LASP1: variants seen among roughly 807,000 people sequenced by gnomAD.
LASP1 encodes LIM and SH3 domain protein 1.
LASP1 carries 10 observed loss-of-function variants against 38.6 expected under a neutral mutation model. The observed-to-expected ratio is 0.26, with a 90% confidence interval of 0.16 to 0.44. The LOEUF (loss-of-function observed/expected upper bound fraction) is 0.44. LASP1 is among the 20% of genes least tolerant of loss of function. LASP1 has a pLI of 1.00. For synonymous variants in LASP1, 132 were observed against 140.8 expected (o/e 0.94, Z 0.44); for missense variants, 243 against 375.7 (o/e 0.65, Z 2.92).
chr17:38,895,521 T>C (rs968799820), intron 3 of LASP1, among the ~76,000 whole-genome samples: 2 of 151,882 alleles, frequency 1.3e-5, no homozygotes, highest in Non-Finnish European at 2.9e-5. Context: ...GGTTTCAGCA[T>C]GTTAGGCTGG....
chr17:38,917,284 CT>C (rs1915159515), intron 6 of LASP1, among the ~76,000 whole-genome samples: 1 of 152,168 alleles, frequency 6.6e-6, no homozygotes, highest in African/African-American at 2.4e-5. Flanking sequence ...GGTGTGACTT[CT>C]TATCCCATAG....
At chr17:38,887,590 G>C (rs1001919110) in intron 2 of LASP1, among the ~76,000 whole-genome samples, 5 of 152,192 alleles carry the variant, frequency 3.3e-5, no homozygotes, top group Admixed American at 6.5e-5. Context: ...CTCTGCTGGA[G>C]GAACTGCGAG....
Position 38,900,400 on chromosome 17 carries a change from C to T in LASP1, c.357+1881C>T, listed in dbSNP as rs1210552991. Among the ~76,000 whole-genome samples the T allele has an allele frequency of 1.1e-4, 9 of 78,732 alleles. 1 individual carries two copies. The highest frequency in any genetic ancestry group is 1.0e-3 in the East Asian group (4 of 3,924). 51.7% of individuals were successfully genotyped at this position (78,732 alleles called of 152,430 possible). A position where few individuals can be genotyped will look rare whatever the true frequency, so the allele number is the denominator to read the frequency against. ...GTTTCCAAAAAAAAAAAGGACCAGG[C>T]GCGGTGGCTCATGCCTGTAATCCCA... On this transcript the variant is annotated intron_variant, in intron 4 of 6. Coordinates refer to ENST00000318008, the MANE Select transcript of LASP1 (RefSeq NM_006148.4).
intron 2 of LASP1, among the ~76,000 whole-genome samples, chr17:38,881,781 T>C (rs1372847934): frequency 6.6e-6 from 1 of 152,212 alleles, no homozygotes; most frequent in Non-Finnish European, 1.5e-5. Context: ...CAGGGAGGCC[T>C]CTATGTTCTG....
intron 4 of LASP1, chr17:38,899,181 A>G: frequency 4.8e-6 from 1 of 209,968 alleles, no homozygotes; most frequent in Admixed American, 5.2e-5. Flanking sequence ...GCCACAGGCA[A>G]GCAGCCTGTG....
chr17:38,907,580 T>C (rs1310581820), intron 4 of LASP1, among the ~76,000 whole-genome samples: 1 of 152,148 alleles, frequency 6.6e-6, no homozygotes, highest in African/African-American at 2.4e-5. Context: ...GTCCGGCCCA[T>C]TTTTTAGGGC....
intron 4 of LASP1, among the ~76,000 whole-genome samples, chr17:38,908,760 T>G (rs978551253): frequency 6.6e-6 from 1 of 152,236 alleles, no homozygotes; most frequent in Non-Finnish European, 1.5e-5. Context: ...AACTATTGGC[T>G]GTTCAGCCAG....
intron 4 of LASP1, among the ~76,000 whole-genome samples, chr17:38,909,906 C>G (rs989258618): frequency 2.8e-4 from 42 of 152,114 alleles, no homozygotes; most frequent in Non-Finnish European, 1.6e-4. Context: ...CACCACCATG[C>G]CTGATTAAGT....
intron 2 of LASP1, among the ~76,000 whole-genome samples, chr17:38,878,923 G>T (rs1258175654): frequency 6.6e-6 from 1 of 152,026 alleles, no homozygotes; most frequent in Non-Finnish European, 1.5e-5. Flanking sequence ...GGAGTATAGA[G>T]GTGGGGTCCC....
intron 2 of LASP1, among the ~76,000 whole-genome samples, chr17:38,888,623 T>G (rs1914215262): frequency 2.0e-5 from 3 of 152,228 alleles, no homozygotes; most frequent in African/African-American, 7.2e-5. Flanking sequence ...TCGCCTACTA[T>G]TCTAGGAACT....
intron 3 of LASP1, 124 bp downstream of exon 3, chr17:38,890,628 C>G (rs1749106478): frequency 1.2e-6 from 1 of 821,044 alleles, no homozygotes; most frequent in Middle Eastern, 2.5e-4. Context: ...TGCTGAAATC[C>G]TAGCATTGCC....
In LASP1 at chr17:38,921,685, CT is replaced by C. The variant is rs1304788293; in HGVS notation, c.*2908del. 8.7e-6 allele frequency: 2 copies of C among 231,078 alleles called. No homozygotes were observed. Among genetic ancestry groups the C allele is most frequent in the Non-Finnish European group, 1.7e-5 (2 of 116,782 alleles). 14.3% of individuals were successfully genotyped at this position (231,078 alleles called of 1,614,324 possible). A position where few individuals can be genotyped will look rare whatever the true frequency, so the allele number is the denominator to read the frequency against. ...GTGCTCGGGATCAAACCTTTCTGGCCTGTTATGATTCTGAACATTTGACTTG... is the reference window on the plus strand; with the variant it reads ...GTGCTCGGGATCAAACCTTTCTGGCCGTTATGATTCTGAACATTTGACTTG... On this transcript the variant is annotated 3_prime_UTR_variant, in exon 7 of 7. Coordinates refer to ENST00000318008, the MANE Select transcript of LASP1 (RefSeq NM_006148.4).
chr17:38,892,833 T>C (rs979849986), intron 3 of LASP1, among the ~76,000 whole-genome samples: 16 of 152,224 alleles, frequency 1.1e-4, no homozygotes, highest in African/African-American at 3.9e-4. Flanking sequence ...CTCCTGTCCC[T>C]GGCCTGTGCC....
At chr17:38,893,270 T>C (rs1914394911) in intron 3 of LASP1, among the ~76,000 whole-genome samples, 1 of 152,186 alleles carries the variant, frequency 6.6e-6, no homozygotes, top group Non-Finnish European at 1.5e-5. Flanking sequence ...GATGCACCAG[T>C]CAGCAGCAAG....
chr17:38,893,188 C>T (rs2143775673), intron 3 of LASP1, among the ~76,000 whole-genome samples: 1 of 152,342 alleles, frequency 6.6e-6, no homozygotes, highest in South Asian at 2.1e-4. Context: ...GTCCCATGAC[C>T]TGGCCCTGGA....
Position 38,914,393 on chromosome 17 carries a change from G to A in LASP1, c.426G>A (p.Glu142=), listed in dbSNP as rs143838983. 9,383 of 1,612,178 alleles carry A rather than the reference G, an allele frequency of 5.8e-3. 348 individuals carry two copies. In the East Asian group the frequency reaches 0.077, roughly 13 times the overall value. ...GCGGGGGCGAGGGCATGGAGCCAGA[G>A]CGTCGGGATTCACAGGACGGCAGCA... ...GPSGGEGMEP[E]RRDSQDGSSY... Residue 142 remains glutamate (E), a synonymous_variant, in exon 5 of 7, where the codon GAG becomes GAA. Coordinates refer to ENST00000318008, the MANE Select transcript of LASP1 (RefSeq NM_006148.4).
At chr17:38,884,028 T>C (rs1283907015) in intron 2 of LASP1, among the ~76,000 whole-genome samples, 1 of 151,750 alleles carries the variant, frequency 6.6e-6, no homozygotes, top group Non-Finnish European at 1.5e-5. Context: ...GGCTGTTTTT[T>C]TTTTTTCCTT....
At chr17:38,898,787 A>C in intron 4 of LASP1, 1 of 539,018 alleles carries the variant, frequency 1.9e-6, no homozygotes, top group Non-Finnish European at 3.6e-6. Flanking sequence ...ACTCTCTCTG[A>C]CTGTTGTTCT....
intron 4 of LASP1, among the ~76,000 whole-genome samples, chr17:38,913,018 G>A (rs1915000728): frequency 6.6e-6 from 1 of 152,178 alleles, no homozygotes; most frequent in Non-Finnish European, 1.5e-5. Flanking sequence ...GCAGAGTGCA[G>A]CTTCCCTCCC....
Sources: gnomAD v4.1 joint callset for allele counts (sites outside exome capture counted in the v4.1 genomes callset) on GRCh38, gnomAD v4.1.1 for gene constraint, MANE v1.5 for transcripts, NCBI Gene and HGNC (gene_info 2026-07-23, HGNC 2026-07-21) for gene names.